MECOM: variants seen among roughly 807,000 people sequenced by gnomAD.
MECOM encodes histone-lysine N-methyltransferase MECOM.
Under a neutral mutation model 116.3 loss-of-function variants are expected in MECOM, and 13 were observed. The ratio of observed to expected loss-of-function variants is 0.11; its 90% CI spans 0.07 to 0.18. The LOEUF (loss-of-function observed/expected upper bound fraction) is 0.18, where lower values mean the gene tolerates loss of function less well. Ranked by LOEUF, MECOM falls within the 10% of genes least tolerant of loss-of-function variation. MECOM has a pLI of 1.00. For synonymous variants in MECOM, 528 were observed against 535.2 expected, an observed-to-expected ratio of 0.99 and a Z score of 0.19; for missense variants, 1,299 against 1,509.0, an observed-to-expected ratio of 0.86 and a Z score of 2.31.
chr3:169,548,975 T>C (rs1435407147), intron 1 of MECOM, among the ~76,000 whole-genome samples: 1 of 146,894 alleles, frequency 6.8e-6, no homozygotes, highest in African/African-American at 2.6e-5. Flanking sequence ...GTCTCTCTTT[T>C]TTTTTTTTTT....
chr3:169,181,890 C>T (rs1052269084), intron 2 of MECOM, among the ~76,000 whole-genome samples: 3 of 152,196 alleles, frequency 2.0e-5, no homozygotes, highest in Admixed American at 6.5e-5. Context: ...TCAGCTTTCT[C>T]ATCTGTGCAA....
At position 169,274,068 on chromosome 3, in the gene MECOM, C is replaced by T. The variant is rs370502032; in HGVS notation, c.375+107119G>A. 8.5e-3 allele frequency among the ~76,000 whole-genome samples: 1,290 copies of T among 152,006 alleles called. 5 individuals carry two copies. Among genetic ancestry groups the T allele is most frequent in the South Asian group, 0.02 (95 of 4,792 alleles). ...CTGGGATTACAGGCACATGCCACCA[C>T]GCCCAGCTAATTTTTGCATTTTTAG... On this transcript the variant is annotated intron_variant, in intron 2 of 16. Coordinates refer to ENST00000651503, the MANE Select transcript of MECOM (RefSeq NM_004991.4).
At chr3:169,139,729 G>T in intron 3 of MECOM, among the ~76,000 whole-genome samples, 1 of 152,008 alleles carries the variant, frequency 6.6e-6, no homozygotes, top group East Asian at 1.9e-4. Context: ...ATGAGAACTG[G>T]CCTTGTCTGA....
At chr3:169,431,244 G>T (rs1741573560) in intron 1 of MECOM, among the ~76,000 whole-genome samples, 1 of 152,190 alleles carries the variant, frequency 6.6e-6, no homozygotes, top group South Asian at 2.1e-4. Context: ...TGAACTTGTG[G>T]CCTTTCTTCA....
intron 1 of MECOM, among the ~76,000 whole-genome samples, chr3:169,455,356 T>A (rs548810363): frequency 6.6e-6 from 1 of 152,330 alleles, no homozygotes; most frequent in South Asian, 2.1e-4. Flanking sequence ...AAAGTGTATC[T>A]CCGCGTTTAT....
chr3:169,325,556 T>C (rs574908931), intron 2 of MECOM, among the ~76,000 whole-genome samples: 1 of 152,320 alleles, frequency 6.6e-6, no homozygotes, highest in African/African-American at 2.4e-5. Flanking sequence ...ATTCTTAACT[T>C]AGACACTGTT....
intron 1 of MECOM, among the ~76,000 whole-genome samples, chr3:169,508,075 A>T (rs1755515633): frequency 6.6e-6 from 1 of 152,208 alleles, no homozygotes; most frequent in African/African-American, 2.4e-5. Context: ...ACTAAGTGAA[A>T]TAACATTTTG....
chr3:169,476,358 A>G (rs75356916), intron 1 of MECOM, among the ~76,000 whole-genome samples: 3,434 of 152,306 alleles, frequency 0.023, 135 homozygotes, highest in African/African-American at 0.079. Context: ...CAGATGTGAC[A>G]TATTTAATAT....
chr3:169,252,502 T>C (rs1174885305), intron 2 of MECOM, among the ~76,000 whole-genome samples: 3 of 150,746 alleles, frequency 2.0e-5, no homozygotes, highest in African/African-American at 7.3e-5. Context: ...AAATATTTTA[T>C]TTTATATATA....
chr3:169,102,015 AG>A, intron 11 of MECOM, 44 bp downstream of exon 11: 3 of 1,555,958 alleles, frequency 1.9e-6, no homozygotes, highest in Non-Finnish European at 2.6e-6. Context: ...TTGAAATCAG[AG>A]GGGAGATTTC....
chr3:169,090,430 A>C (rs1395703266), intron 14 of MECOM, among the ~76,000 whole-genome samples, 194 bp from the exon 15 acceptor site: 2 of 150,564 alleles, frequency 1.3e-5, no homozygotes, highest in Non-Finnish European at 2.9e-5. Context: ...AGAAAAAAAT[A>C]ATTGTATGAT....
At chr3:169,202,401 A>G (rs1356742688) in intron 2 of MECOM, among the ~76,000 whole-genome samples, 1 of 152,142 alleles carries the variant, frequency 6.6e-6, no homozygotes. Flanking sequence ...GGTGTCACAC[A>G]GTATTCTTGA....
At chr3:169,337,158 C>T (rs2149784572) in intron 2 of MECOM, among the ~76,000 whole-genome samples, 1 of 152,120 alleles carries the variant, frequency 6.6e-6, no homozygotes, top group Non-Finnish European at 1.5e-5. Context: ...TTTAGTTAGC[C>T]AATAAGTTAA....
chr3:169,445,664 C>T (rs1744501929), intron 1 of MECOM, among the ~76,000 whole-genome samples: 1 of 152,140 alleles, frequency 6.6e-6, no homozygotes, highest in African/African-American at 2.4e-5. Context: ...GACCACCATC[C>T]TCCAGACCCC....
chr3:169,190,012 G>T (rs984020291), intron 2 of MECOM, among the ~76,000 whole-genome samples: 1 of 152,058 alleles, frequency 6.6e-6, no homozygotes, highest in African/African-American at 2.4e-5. Flanking sequence ...AGTTGTAGCA[G>T]ATGGGCTGCT....
intron 1 of MECOM, among the ~76,000 whole-genome samples, chr3:169,382,879 A>AAAAAAAAAAGAAGAAG (rs1358767356): frequency 1.4e-5 from 2 of 138,562 alleles, no homozygotes; most frequent in East Asian, 4.8e-4. Flanking sequence ...AAAAATAAAA[A>AAAAAAAAAAGAAGAAG]AAGAAGGTAA....
At chr3:169,265,847 T>C (rs1366042482) in intron 2 of MECOM, among the ~76,000 whole-genome samples, 1 of 152,158 alleles carries the variant, frequency 6.6e-6, no homozygotes, top group East Asian at 1.9e-4. Flanking sequence ...GCAGTACTAG[T>C]GTGGTAGTCA....
chr3:169,095,622 C>T (rs1410291093), intron 12 of MECOM, among the ~76,000 whole-genome samples: 3 of 152,090 alleles, frequency 2.0e-5, no homozygotes, highest in African/African-American at 7.2e-5. Context: ...ATATAGTTTT[C>T]AAATACAATA....
intron 1 of MECOM, among the ~76,000 whole-genome samples, chr3:169,622,159 G>A (rs1045253699): frequency 2.0e-5 from 3 of 152,046 alleles, no homozygotes; most frequent in Non-Finnish European, 4.4e-5. Flanking sequence ...GTGCGATCTC[G>A]GCTCATTGCA....
Sources: gnomAD v4.1 joint callset for allele counts (sites outside exome capture counted in the v4.1 genomes callset) on GRCh38, gnomAD v4.1.1 for gene constraint, MANE v1.5 for transcripts, NCBI Gene and HGNC (gene_info 2026-07-23, HGNC 2026-07-21) for gene names.